Variants in ITK observed in about 807,000 individuals in gnomAD.
ITK encodes the protein tyrosine-protein kinase ITK/TSK.
In ITK, 45 loss-of-function variants were observed where a neutral mutation model predicts 87.6. That is an observed-to-expected ratio of 0.51 (90% CI 0.40 to 0.66). The LOEUF (loss-of-function observed/expected upper bound fraction) is 0.66, where lower values mean the gene tolerates loss of function less well. Ranked by LOEUF, ITK falls within the 30% of genes least tolerant of loss-of-function variation. The pLI is 0.00. For missense variants in ITK, 605 were observed against 766.3 expected (o/e 0.79, Z 2.48); for synonymous variants, 303 against 273.6 (o/e 1.11, Z -1.06).
intron 1 of ITK, among the ~76,000 whole-genome samples, chr5:157,196,779 T>A (rs1014652708): frequency 1.3e-5 from 2 of 152,230 alleles, no homozygotes; most frequent in African/African-American, 4.8e-5. Context: ...TATGCACTTA[T>A]GTATTTTGGC....
At chr5:157,217,481 G>A (rs1488987724) in intron 4 of ITK, among the ~76,000 whole-genome samples, 1 of 152,094 alleles carries the variant, frequency 6.6e-6, no homozygotes, top group African/African-American at 2.4e-5. Context: ...CTGTCCCCCT[G>A]AGTCACCAAT....
chr5:157,188,006 G>T (rs1016360775), intron 1 of ITK, among the ~76,000 whole-genome samples: 1 of 151,996 alleles, frequency 6.6e-6, no homozygotes, highest in Admixed American at 6.6e-5. Context: ...TCACTATATT[G>T]CCCAGGCTGT....
chr5:157,227,344 TTTTG>T (rs1181344359), intron 6 of ITK, among the ~76,000 whole-genome samples: 5 of 152,364 alleles, frequency 3.3e-5, no homozygotes, highest in African/African-American at 9.6e-5. Flanking sequence ...GATATTCTTA[TTTTG>T]TTTATTATGT....
intron 15 of ITK, among the ~76,000 whole-genome samples, chr5:157,246,855 G>A (rs1331068902): frequency 1.3e-5 from 2 of 152,194 alleles, no homozygotes; most frequent in South Asian, 4.1e-4. Flanking sequence ...AATGAAGCTG[G>A]TAGGCCATCA....
chr5:157,221,468 A>G (rs1326766201), intron 5 of ITK, among the ~76,000 whole-genome samples: 2 of 152,158 alleles, frequency 1.3e-5, no homozygotes, highest in African/African-American at 4.8e-5. Flanking sequence ...AATGTTTACC[A>G]GGATATTCGA....
At chr5:157,239,874 A>G (rs1427324123) in intron 9 of ITK, among the ~76,000 whole-genome samples, 188 bp from the exon 10 acceptor site, 2 of 152,162 alleles carry the variant, frequency 1.3e-5, no homozygotes, top group African/African-American at 2.4e-5. Context: ...ACAACCTCAG[A>G]GTCCTTTTTA....
Position 157,238,096 on chromosome 5 carries a change from C to T in ITK, c.769-13C>T, listed in dbSNP as rs56100638. On this transcript the variant is annotated splice_polypyrimidine_tract_variant and intron_variant, in intron 8 of 16. Transcript: ENST00000422843. ...TGAGATCACTAACTTTCCATTCTTT[C>T]TAACCATTCCAGGGCAAAGAAGGAG... The T allele has an allele frequency of 0.024, 39,085 of 1,603,682 alleles. 605 individuals are homozygous for T. Among genetic ancestry groups the T allele is most frequent in the Non-Finnish European group, 0.03 (34,832 of 1,170,574 alleles).
chr5:157,223,455 C>T (rs1045401483), intron 6 of ITK, among the ~76,000 whole-genome samples: 13 of 151,826 alleles, frequency 8.6e-5, no homozygotes, highest in Admixed American at 3.3e-4. Context: ...TATGTTAGGA[C>T]GCATCAGAAA....
Position 157,243,614 on chromosome 5 carries a change from C to T in ITK, c.1061-9C>T. 1 of 1,611,960 alleles carries T rather than the reference C, an allele frequency of 6.2e-7. No individual in the cohort carries two copies. Among genetic ancestry groups the T allele is most frequent in the Non-Finnish European group, 8.5e-7 (1 of 1,179,662 alleles). On this transcript the variant is annotated splice_polypyrimidine_tract_variant and intron_variant, in intron 11 of 16. Transcript: ENST00000422843. Reference sequence around the variant, plus strand: ...GCTGACCCCAGAGAACTCTCTCTCTCTCTTCCAGGGAAATGGGTGATCGAC... The same window carrying T: ...GCTGACCCCAGAGAACTCTCTCTCTTTCTTCCAGGGAAATGGGTGATCGAC...
intron 6 of ITK, 57 bp from the exon 7 acceptor site, chr5:157,228,238 TA>T (rs1754576756): frequency 9.8e-7 from 1 of 1,015,936 alleles, no homozygotes; most frequent in African/African-American, 1.6e-5. Context: ...ATTAAACCTA[TA>T]AAATGATATA....
intron 8 of ITK, among the ~76,000 whole-genome samples, chr5:157,235,463 A>T (rs532242889): frequency 6.6e-6 from 1 of 152,290 alleles, no homozygotes; most frequent in Admixed American, 6.5e-5. Context: ...TTACTTCTCC[A>T]GTGGCTCTGT....
At chr5:157,194,450 T>G (rs1753813574) in intron 1 of ITK, among the ~76,000 whole-genome samples, 1 of 152,228 alleles carries the variant, frequency 6.6e-6, no homozygotes, top group South Asian at 2.1e-4. Flanking sequence ...GAGCCTTTTC[T>G]GGGAATAACA....
intron 6 of ITK, among the ~76,000 whole-genome samples, chr5:157,225,466 TAA>T (rs879591277): frequency 4.9e-5 from 7 of 143,762 alleles, no homozygotes; most frequent in African/African-American, 5.1e-5. Context: ...TCTGATGGGT[TAA>T]AAAAAAAAAA....
intron 3 of ITK, among the ~76,000 whole-genome samples, chr5:157,212,210 C>G (rs1186996707): frequency 6.6e-6 from 1 of 152,068 alleles, no homozygotes; most frequent in Non-Finnish European, 1.5e-5. Context: ...AGAAAAATAC[C>G]CATCCCAAAG....
chr5:157,227,584 A>G (rs1201620224), intron 6 of ITK, among the ~76,000 whole-genome samples: 1 of 152,158 alleles, frequency 6.6e-6, no homozygotes, highest in Non-Finnish European at 1.5e-5. Context: ...TTTCCTGACT[A>G]TAAAATGATA....
At chr5:157,243,545 G>C (rs879005166) in intron 11 of ITK, 78 bp from the exon 12 acceptor site, 1 of 1,200,020 alleles carries the variant, frequency 8.3e-7, no homozygotes, top group South Asian at 1.2e-5. Flanking sequence ...TCTAGTTAGG[G>C]CTTTATAGTC....
intron 8 of ITK, among the ~76,000 whole-genome samples, chr5:157,235,543 T>C (rs568884020): frequency 6.6e-6 from 1 of 152,318 alleles, no homozygotes; most frequent in East Asian, 1.9e-4. Context: ...GTAAATTCCT[T>C]GCAAGTGGGT....
chr5:157,223,097 C>A, intron 6 of ITK, 83 bp downstream of exon 6: 1 of 1,517,746 alleles, frequency 6.6e-7, no homozygotes, highest in Non-Finnish European at 9.1e-7. Context: ...GTCCTATCTC[C>A]CACAGTGTAA....
chr5:157,214,737 G>A (rs1338705528), intron 4 of ITK, among the ~76,000 whole-genome samples: 1 of 152,184 alleles, frequency 6.6e-6, no homozygotes, highest in East Asian at 1.9e-4. Flanking sequence ...AGCCTTAAGA[G>A]ATATAAAATA....
Sources: gnomAD v4.1 joint callset for allele counts (sites outside exome capture counted in the v4.1 genomes callset) on GRCh38, gnomAD v4.1.1 for gene constraint, MANE v1.5 for transcripts, NCBI Gene and HGNC (gene_info 2026-07-23, HGNC 2026-07-21) for gene names.